Variants in CACNB2 observed in about 807,000 individuals in gnomAD.
The protein encoded by CACNB2 is voltage-dependent L-type calcium channel subunit beta-2.
Under a neutral mutation model 73.3 loss-of-function variants are expected in CACNB2, and 42 were observed. That is an observed-to-expected ratio of 0.57 (90% confidence interval 0.45 to 0.74). The LOEUF (loss-of-function observed/expected upper bound fraction) is 0.74. Among genes scored for constraint, CACNB2 ranks in the 30% least tolerant of loss-of-function variants. The pLI, the probability that CACNB2 is intolerant of heterozygous loss-of-function variation, is 0.00. For missense variants in CACNB2, 940 were observed against 853.0 expected (o/e 1.10, Z -1.27); for synonymous variants, 348 against 310.3 (o/e 1.12, Z -1.28).
intron 2 of CACNB2, chr10:18,261,052 C>G: frequency 7.1e-7 from 1 of 1,414,604 alleles, no homozygotes; most frequent in South Asian, 1.5e-5. Flanking sequence ...CGCCCCCCAC[C>G]CCCAAAAAAA....
At chr10:18,366,615 G>A (rs1231949179) in intron 2 of CACNB2, among the ~76,000 whole-genome samples, 1 of 152,054 alleles carries the variant, frequency 6.6e-6, no homozygotes, top group African/African-American at 2.4e-5. Flanking sequence ...AGGCTGAGGT[G>A]GGTGAATCAC....
At chr10:18,534,870 A>G (rs2053413394) in intron 11 of CACNB2, among the ~76,000 whole-genome samples, 3 of 152,234 alleles carry the variant, frequency 2.0e-5, no homozygotes, top group Non-Finnish European at 2.9e-5. Flanking sequence ...CTGACAGGCT[A>G]TGCTTATTCC....
intron 2 of CACNB2, among the ~76,000 whole-genome samples, chr10:18,385,222 G>T (rs1020849021): frequency 1.3e-5 from 2 of 151,804 alleles, no homozygotes; most frequent in Non-Finnish European, 2.9e-5. Context: ...GGCAGAGGTT[G>T]CAGTGAGCCG....
At chr10:18,329,347 G>A (rs923395263) in intron 2 of CACNB2, among the ~76,000 whole-genome samples, 3 of 152,072 alleles carry the variant, frequency 2.0e-5, no homozygotes, top group Non-Finnish European at 2.9e-5. Flanking sequence ...ATGAATGAAC[G>A]TCTTGCTTGT....
chr10:18,198,406 T>C (rs961021091), intron 2 of CACNB2, among the ~76,000 whole-genome samples: 8 of 152,238 alleles, frequency 5.3e-5, no homozygotes, highest in Admixed American at 4.6e-4. Flanking sequence ...TTGGGGCTAG[T>C]AGCCATCAAT....
At chr10:18,315,528 A>AAAAAAAAC (rs1306024951) in intron 2 of CACNB2, among the ~76,000 whole-genome samples, 2 of 90,138 alleles carry the variant, frequency 2.2e-5, no homozygotes, top group African/African-American at 8.4e-5. Flanking sequence ...AAAAAAAAAA[A>AAAAAAAAC]CTTTTTTTTT....
intron 2 of CACNB2, among the ~76,000 whole-genome samples, chr10:18,197,499 T>C (rs2131295792): frequency 6.6e-6 from 1 of 152,322 alleles, no homozygotes; most frequent in Non-Finnish European, 1.5e-5. Flanking sequence ...GTGATTCTCC[T>C]GGCTCTGTCC....
intron 3 of CACNB2, among the ~76,000 whole-genome samples, chr10:18,403,443 G>A (rs895316050): frequency 1.2e-4 from 18 of 152,248 alleles, no homozygotes; most frequent in Admixed American, 7.8e-4. Flanking sequence ...TTTGTATTCC[G>A]AAAATAAGAT....
chr10:18,294,345 A>G (rs1444351513), intron 2 of CACNB2, among the ~76,000 whole-genome samples: 2 of 152,186 alleles, frequency 1.3e-5, no homozygotes, highest in Non-Finnish European at 2.9e-5. Context: ...ATGTTCTCTG[A>G]GATGTGCTGA....
intron 2 of CACNB2, among the ~76,000 whole-genome samples, chr10:18,228,835 G>C (rs139399047): frequency 0.042 from 6,379 of 152,196 alleles, 156 homozygotes; most frequent in African/African-American, 0.053. Flanking sequence ...TGCCTCCTGG[G>C]TTCAAGGATT....
At chr10:18,410,902 C>G (rs1405606046) in intron 3 of CACNB2, among the ~76,000 whole-genome samples, 1 of 152,066 alleles carries the variant, frequency 6.6e-6, no homozygotes, top group Non-Finnish European at 1.5e-5. Context: ...ATCACTGGAA[C>G]CCAGGAGGCA....
Position 18,540,718 on chromosome 10 carries a change from G to C in CACNB2, c.*994G>C, listed in dbSNP as rs1484802652. 3 of 152,594 alleles carry C rather than the reference G, an allele frequency of 2.0e-5. No homozygotes were observed. The highest frequency in any genetic ancestry group is 7.2e-5 in the African/African-American group (3 of 41,432). 9.5% of individuals were successfully genotyped at this position (152,594 alleles called of 1,614,324 possible). On this transcript the variant is annotated 3_prime_UTR_variant, in exon 14 of 14. Coordinates refer to ENST00000324631, the MANE Select transcript of CACNB2 (RefSeq NM_201596.3). ...ACGAGCCGGAACTCGCTATATGCACGTGTGTGTGTCCGTATGTAAGAAAGT... is the reference window on the plus strand; with the variant it reads ...ACGAGCCGGAACTCGCTATATGCACCTGTGTGTGTCCGTATGTAAGAAAGT...
At chr10:18,348,945 C>T (rs559317832) in intron 2 of CACNB2, among the ~76,000 whole-genome samples, 41 of 152,200 alleles carry the variant, frequency 2.7e-4, no homozygotes, top group South Asian at 6.2e-4. Context: ...ATAGGGAGAC[C>T]CTGTCTCTAC....
chr10:18,458,005 C>A (rs1010340470), intron 3 of CACNB2, among the ~76,000 whole-genome samples: 1 of 152,116 alleles, frequency 6.6e-6, no homozygotes, highest in Non-Finnish European at 1.5e-5. Context: ...AGATAATTAC[C>A]AGCCTTGGAC....
chr10:18,464,648 C>T (rs2047778417), intron 3 of CACNB2, among the ~76,000 whole-genome samples: 1 of 152,070 alleles, frequency 6.6e-6, no homozygotes, highest in East Asian at 1.9e-4. Context: ...TCTATAATAA[C>T]TCTAAAATAC....
intron 2 of CACNB2, among the ~76,000 whole-genome samples, chr10:18,328,912 G>A (rs2040691103): frequency 1.3e-5 from 2 of 152,138 alleles, no homozygotes; most frequent in Non-Finnish European, 2.9e-5. Context: ...TATGTTGGGG[G>A]TATATCCAGT....
chr10:18,519,156 CT>C (rs2051582108), intron 9 of CACNB2, among the ~76,000 whole-genome samples, 188 bp downstream of exon 9: 1 of 152,174 alleles, frequency 6.6e-6, no homozygotes, highest in Non-Finnish European at 1.5e-5. Context: ...TCTTTAACCC[CT>C]GATGTCTAGT....
chr10:18,180,310 A>G (rs1277539558), intron 2 of CACNB2, among the ~76,000 whole-genome samples: 1 of 152,164 alleles, frequency 6.6e-6, no homozygotes, highest in Non-Finnish European at 1.5e-5. Flanking sequence ...ATCTTCCCAG[A>G]TGGAAAGACT....
intron 10 of CACNB2, among the ~76,000 whole-genome samples, chr10:18,528,019 T>C (rs1339142864): frequency 1.4e-4 from 21 of 152,208 alleles, no homozygotes; most frequent in Non-Finnish European, 1.5e-5. Flanking sequence ...TATTAACCTT[T>C]TGAAGCCTCC....
Sources: gnomAD v4.1 joint callset for allele counts (sites outside exome capture counted in the v4.1 genomes callset) on GRCh38, gnomAD v4.1.1 for gene constraint, MANE v1.5 for transcripts, NCBI Gene and HGNC (gene_info 2026-07-23, HGNC 2026-07-21) for gene names.